The following ARL15 variants were observed in gnomAD, a reference collection of about 807,000 sequenced individuals.
ARL15 encodes ADP-ribosylation factor-like protein 15.
In ARL15, 19 loss-of-function variants were observed where a neutral mutation model predicts 25.2. That is an observed-to-expected ratio of 0.75 (90% CI 0.53 to 1.10). The LOEUF (loss-of-function observed/expected upper bound fraction) is 1.10, where lower values mean the gene tolerates loss of function less well. ARL15 is among the 50% of genes least tolerant of loss of function. The pLI is 0.00. For synonymous variants in ARL15, 94 were observed against 86.8 expected (o/e 1.08, Z -0.46); for missense variants, 220 against 246.0 (o/e 0.89, Z 0.71).
intron 4 of ARL15, among the ~76,000 whole-genome samples, chr5:53,955,586 T>G (rs915284877): frequency 6.6e-6 from 1 of 152,180 alleles, no homozygotes; most frequent in African/African-American, 2.4e-5. Context: ...GAAAAAGCTT[T>G]GAGAATTGAC....
chr5:53,959,985 A>T (rs1260148406), intron 4 of ARL15, among the ~76,000 whole-genome samples: 1 of 152,044 alleles, frequency 6.6e-6, no homozygotes, highest in Non-Finnish European at 1.5e-5. Flanking sequence ...GACATATAGT[A>T]GATGCTTGGT....
At chr5:53,927,283 T>C (rs2112038170) in intron 4 of ARL15, among the ~76,000 whole-genome samples, 1 of 152,296 alleles carries the variant, frequency 6.6e-6, no homozygotes, top group East Asian at 1.9e-4. Context: ...ATTACCTATA[T>C]TGCATGTCTG....
chr5:54,197,567 A>G (rs1043598886), intron 1 of ARL15, among the ~76,000 whole-genome samples: 1 of 152,206 alleles, frequency 6.6e-6, no homozygotes, highest in Non-Finnish European at 1.5e-5. Flanking sequence ...AGTCCAAACA[A>G]CAGCTCATTC....
intron 4 of ARL15, among the ~76,000 whole-genome samples, chr5:54,100,555 A>G (rs1010116753): frequency 3.3e-5 from 5 of 152,098 alleles, no homozygotes; most frequent in East Asian, 1.9e-4. Context: ...ATTACTGCAC[A>G]TGGTTCCTCT....
intron 3 of ARL15, among the ~76,000 whole-genome samples, chr5:54,148,889 A>G (rs1336449246): frequency 6.6e-6 from 1 of 152,252 alleles, no homozygotes; most frequent in Non-Finnish European, 1.5e-5. Context: ...AAAAATTTCC[A>G]TCTCTGGATT....
At chr5:54,193,824 G>A (rs1003893889) in intron 1 of ARL15, among the ~76,000 whole-genome samples, 7 of 150,590 alleles carry the variant, frequency 4.6e-5, no homozygotes, top group African/African-American at 1.7e-4. Flanking sequence ...TCCTGAAATA[G>A]CTCACATGGC....
At chr5:54,130,799 C>T (rs56072817) in intron 3 of ARL15, among the ~76,000 whole-genome samples, 3 of 152,156 alleles carry the variant, frequency 2.0e-5, no homozygotes, top group African/African-American at 7.2e-5. Flanking sequence ...ATCATCTCTT[C>T]TTTCAATTAA....
chr5:54,264,192 C>T (rs575116424), intron 1 of ARL15, among the ~76,000 whole-genome samples: 3 of 152,066 alleles, frequency 2.0e-5, no homozygotes, highest in African/African-American at 7.2e-5. Flanking sequence ...AAATCATATC[C>T]TTTCTCCTCC....
chr5:54,183,731 C>G, intron 1 of ARL15, among the ~76,000 whole-genome samples: 1 of 149,806 alleles, frequency 6.7e-6, no homozygotes, highest in Non-Finnish European at 1.5e-5. Context: ...ACCATTTGAC[C>G]CAGCCATCCC....
Position 54,066,272 on chromosome 5 carries a change from C to T in ARL15, c.462+46930G>A, listed in dbSNP as rs528103511. Among the ~76,000 whole-genome samples, 8 of 152,120 alleles carry T rather than the reference C, an allele frequency of 5.3e-5. No homozygotes were observed. In the East Asian group the frequency reaches 5.8e-4, roughly 11 times the overall value. ...ACAGAAAAGGTAGGAAAAGAATTCA[C>T]GAGCGACATAGTGCATATATGAAAA... On this transcript the variant is annotated intron_variant, in intron 4 of 4. Transcript: ENST00000504924.
intron 4 of ARL15, among the ~76,000 whole-genome samples, chr5:53,979,167 T>C (rs1206747766): frequency 1.3e-5 from 2 of 152,146 alleles, no homozygotes; most frequent in Non-Finnish European, 2.9e-5. Flanking sequence ...CAAACACAGA[T>C]TATTATACGT....
At chr5:54,145,669 G>A (rs892688766) in intron 3 of ARL15, among the ~76,000 whole-genome samples, 2 of 151,912 alleles carry the variant, frequency 1.3e-5, no homozygotes, top group African/African-American at 4.8e-5. Context: ...GGCATGGCAG[G>A]GATTGCATCC....
intron 3 of ARL15, among the ~76,000 whole-genome samples, chr5:54,153,675 A>T (rs1754136380): frequency 6.6e-6 from 1 of 152,342 alleles, no homozygotes; most frequent in Non-Finnish European, 1.5e-5. Flanking sequence ...CACATAGCGA[A>T]CTGAAAACAG....
chr5:54,046,368 C>T (rs961790983), intron 4 of ARL15, among the ~76,000 whole-genome samples: 7 of 152,112 alleles, frequency 4.6e-5, no homozygotes, highest in Non-Finnish European at 1.0e-4. Flanking sequence ...GTAATCCCAG[C>T]TACTTGGGAG....
chr5:53,906,257 C>T (rs748446515), intron 4 of ARL15, among the ~76,000 whole-genome samples: 1 of 152,134 alleles, frequency 6.6e-6, no homozygotes, highest in Non-Finnish European at 1.5e-5. Context: ...CTTTTTGGCA[C>T]CATGAGAAGG....
intron 4 of ARL15, among the ~76,000 whole-genome samples, chr5:54,068,447 T>C (rs543834737): frequency 5.9e-5 from 9 of 152,344 alleles, no homozygotes; most frequent in Admixed American, 3.9e-4. Flanking sequence ...TGGACCAATC[T>C]AGGTGAACTT....
intron 4 of ARL15, among the ~76,000 whole-genome samples, chr5:53,941,807 C>A (rs1196110403): frequency 6.6e-6 from 1 of 152,144 alleles, no homozygotes; most frequent in Non-Finnish European, 1.5e-5. Flanking sequence ...CCTCCCCTCC[C>A]CTCCACCTAA....
At chr5:54,023,732 T>C (rs955068536) in intron 4 of ARL15, among the ~76,000 whole-genome samples, 81 of 152,098 alleles carry the variant, frequency 5.3e-4, no homozygotes, top group African/African-American at 1.9e-3. Flanking sequence ...AGTTCCCTTA[T>C]CTGCTGAGAG....
At chr5:54,253,832 CT>C (rs1757300679) in intron 1 of ARL15, among the ~76,000 whole-genome samples, 4 of 152,192 alleles carry the variant, frequency 2.6e-5, no homozygotes, top group African/African-American at 9.6e-5. Flanking sequence ...TCAAGCAACC[CT>C]CCCACCCTGG....
Sources: gnomAD v4.1 joint callset for allele counts (sites outside exome capture counted in the v4.1 genomes callset) on GRCh38, gnomAD v4.1.1 for gene constraint, MANE v1.5 for transcripts, NCBI Gene and HGNC (gene_info 2026-07-23, HGNC 2026-07-21) for gene names.